ROBO1: variants seen among roughly 807,000 people sequenced by gnomAD.
ROBO1 encodes roundabout guidance receptor 1, also known as roundabout homolog 1.
A neutral mutation model predicts 195.9 loss-of-function variants in ROBO1; 149 were observed. The ratio of observed to expected loss-of-function variants is 0.76; its 90% CI spans 0.67 to 0.87. The LOEUF is 0.87. ROBO1 is among the 40% of genes least tolerant of loss of function. The probability of loss-of-function intolerance (pLI) is 0.00; values close to 1 mark genes in which losing one functional copy is unlikely to be tolerated. For synonymous variants in ROBO1, 816 were observed against 733.2 expected (o/e 1.11, Z -1.82); for missense variants, 1,933 against 2,068.3 (o/e 0.93, Z 1.27).
At chr3:79,765,049 C>T (rs774542765) in intron 1 of ROBO1, among the ~76,000 whole-genome samples, 3 of 152,032 alleles carry the variant, frequency 2.0e-5, no homozygotes, top group African/African-American at 2.4e-5. Flanking sequence ...CTAAGGGAAG[C>T]GAAGGGAAGT....
intron 19 of ROBO1, among the ~76,000 whole-genome samples, chr3:78,648,799 G>T (rs943940197): frequency 6.6e-6 from 1 of 151,822 alleles, no homozygotes; most frequent in African/African-American, 2.4e-5. Context: ...TCAAAACACT[G>T]CCAGAATTAT....
chr3:78,756,843 C>T (rs992307419), intron 4 of ROBO1, among the ~76,000 whole-genome samples: 1 of 152,100 alleles, frequency 6.6e-6, no homozygotes, highest in African/African-American at 2.4e-5. Context: ...AAAACAACAA[C>T]ATAATGTGAA....
At chr3:79,151,142 C>A (rs556054227) in intron 2 of ROBO1, among the ~76,000 whole-genome samples, 3 of 151,838 alleles carry the variant, frequency 2.0e-5, no homozygotes, top group Admixed American at 2.0e-4. Context: ...TTTGCTCCTC[C>A]TTGCCTTCCA....
intron 1 of ROBO1, among the ~76,000 whole-genome samples, chr3:79,606,249 C>T (rs1275330828): frequency 1.3e-5 from 2 of 151,848 alleles, no homozygotes; most frequent in Non-Finnish European, 2.9e-5. Flanking sequence ...ATGTACAACA[C>T]GAGGACTATA....
At chr3:79,181,576 G>A (rs1267985418) in intron 2 of ROBO1, among the ~76,000 whole-genome samples, 1 of 152,106 alleles carries the variant, frequency 6.6e-6, no homozygotes, top group Non-Finnish European at 1.5e-5. Flanking sequence ...ATTTTTAAAT[G>A]CAAGACAGAG....
chr3:78,762,256 C>A (rs192518879), intron 4 of ROBO1, among the ~76,000 whole-genome samples: 1 of 152,110 alleles, frequency 6.6e-6, no homozygotes, highest in East Asian at 1.9e-4. Flanking sequence ...TCTGTGCTTA[C>A]AGACATCATG....
At chr3:78,935,208 C>T (rs1173032136) in intron 4 of ROBO1, among the ~76,000 whole-genome samples, 1 of 152,002 alleles carries the variant, frequency 6.6e-6, no homozygotes, top group Admixed American at 6.6e-5. Context: ...TAGCAAAATA[C>T]ATATACACTT....
chr3:79,194,420 G>T (rs889619472), intron 2 of ROBO1, among the ~76,000 whole-genome samples: 4 of 151,520 alleles, frequency 2.6e-5, no homozygotes, highest in African/African-American at 9.7e-5. Context: ...AATAGCATAG[G>T]TTCAAATTTC....
intron 3 of ROBO1, among the ~76,000 whole-genome samples, chr3:79,039,017 C>G (rs1485661317): frequency 1.3e-5 from 2 of 152,130 alleles, no homozygotes; most frequent in Admixed American, 6.6e-5. Flanking sequence ...GCCAGCCTGA[C>G]AGTTGAGAGT....
intron 2 of ROBO1, among the ~76,000 whole-genome samples, chr3:79,422,462 A>G (rs2038266316): frequency 6.6e-6 from 1 of 152,060 alleles, no homozygotes. Flanking sequence ...ATTGACAAAC[A>G]TTTATTAAAA....
intron 2 of ROBO1, among the ~76,000 whole-genome samples, chr3:79,558,746 A>C (rs2107700868): frequency 6.6e-6 from 1 of 152,326 alleles, no homozygotes; most frequent in African/African-American, 2.4e-5. Context: ...GAGTTACTTA[A>C]ACATTATTTT....
chr3:78,986,064 TCATCTTCTC>T (rs1212241032), intron 3 of ROBO1, among the ~76,000 whole-genome samples: 1 of 152,156 alleles, frequency 6.6e-6, no homozygotes, highest in Non-Finnish European at 1.5e-5. Context: ...TTATGGCATC[TCATCTTCTC>T]CAGAGCCATC....
intron 4 of ROBO1, among the ~76,000 whole-genome samples, chr3:78,891,368 T>G (rs1008939664): frequency 1.3e-5 from 2 of 151,962 alleles, no homozygotes; most frequent in Non-Finnish European, 2.9e-5. Flanking sequence ...AAATTCAACA[T>G]CATGAAGCAT....
intron 3 of ROBO1, among the ~76,000 whole-genome samples, chr3:79,123,758 T>G (rs2080164223): frequency 6.6e-6 from 1 of 152,064 alleles, no homozygotes; most frequent in Non-Finnish European, 1.5e-5. Context: ...AAAGATAATT[T>G]TATAAGTTTA....
chr3:78,638,219 T>TTATATACATA (rs1705665667), intron 22 of ROBO1, among the ~76,000 whole-genome samples: 1 of 132,890 alleles, frequency 7.5e-6, no homozygotes, highest in Non-Finnish European at 1.7e-5. Flanking sequence ...ATATATACAC[T>TTATATACATA]TATATACATA....
chr3:79,338,994 T>A (rs1007042648), intron 2 of ROBO1, among the ~76,000 whole-genome samples: 2 of 152,202 alleles, frequency 1.3e-5, no homozygotes, highest in Non-Finnish European at 2.9e-5. Context: ...ATGTTTGAAA[T>A]CAACCTTGAC....
intron 1 of ROBO1, among the ~76,000 whole-genome samples, chr3:79,725,221 TTC>T (rs1303363605): frequency 1.8e-5 from 2 of 111,532 alleles, no homozygotes; most frequent in African/African-American, 6.3e-5. Context: ...ATCTCTCTTC[TTC>T]TTTTTTTTTT....
chr3:78,754,856 A>G (rs1261684465), intron 4 of ROBO1, among the ~76,000 whole-genome samples: 1 of 152,190 alleles, frequency 6.6e-6, no homozygotes, highest in African/African-American at 2.4e-5. Context: ...GTTAAGGTGA[A>G]GCCTGAGTAA....
chr3:79,302,043 G>A (rs1576946194), intron 2 of ROBO1, among the ~76,000 whole-genome samples: 1 of 152,024 alleles, frequency 6.6e-6, no homozygotes, highest in Non-Finnish European at 1.5e-5. Flanking sequence ...TAAGTAAAAC[G>A]GTAAATGAGA....
Sources: gnomAD v4.1 joint callset for allele counts (sites outside exome capture counted in the v4.1 genomes callset) on GRCh38, gnomAD v4.1.1 for gene constraint, MANE v1.5 for transcripts, NCBI Gene and HGNC (gene_info 2026-07-23, HGNC 2026-07-21) for gene names.